Variants in SORCS1 observed in about 807,000 individuals in gnomAD.
The protein encoded by SORCS1 is sortilin related VPS10 domain containing receptor 1, also known as VPS10 domain-containing receptor SorCS1.
A neutral mutation model predicts 146.1 loss-of-function variants in SORCS1; 60 were observed. The observed-to-expected ratio is 0.41, with a 90% CI of 0.33 to 0.51. SORCS1 has a LOEUF of 0.51. Ranked by LOEUF, SORCS1 falls within the 20% of genes least tolerant of loss-of-function variation. The probability of loss-of-function intolerance (pLI) is 0.21; values close to 1 mark genes in which losing one functional copy is unlikely to be tolerated. For missense variants in SORCS1, 1,352 were observed against 1,487.6 expected (o/e 0.91, Z 1.50); for synonymous variants, 637 against 584.0 (o/e 1.09, Z -1.31).
At chr10:107,087,300 AACATGGTATTGC>A (rs1963836356) in intron 1 of SORCS1, among the ~76,000 whole-genome samples, 1 of 152,100 alleles carries the variant, frequency 6.6e-6, no homozygotes, top group Non-Finnish European at 1.5e-5. Flanking sequence ...TTTCCTGGAA[AACATGGTATTGC>A]ACAGTGGCTC....
intron 7 of SORCS1, 132 bp downstream of exon 7, chr10:106,709,089 CCT>C (rs1387988509): frequency 6.3e-6 from 4 of 637,290 alleles, no homozygotes; most frequent in South Asian, 3.8e-5. Context: ...GTGATTTTCC[CCT>C]CTCTCCCTAC....
At chr10:106,745,290 T>C (rs1433530159) in intron 5 of SORCS1, among the ~76,000 whole-genome samples, 1 of 151,850 alleles carries the variant, frequency 6.6e-6, no homozygotes, top group Non-Finnish European at 1.5e-5. Flanking sequence ...CAGGTGCCTG[T>C]AGTCCCAGCT....
chr10:107,019,257 C>T (rs1368805922), intron 1 of SORCS1, among the ~76,000 whole-genome samples: 1 of 152,084 alleles, frequency 6.6e-6, no homozygotes, highest in Admixed American at 6.6e-5. Context: ...ATAAACATTG[C>T]TTTTCAAGTT....
At chr10:106,866,343 A>T (rs1307980053) in intron 2 of SORCS1, among the ~76,000 whole-genome samples, 1 of 152,094 alleles carries the variant, frequency 6.6e-6, no homozygotes, top group Non-Finnish European at 1.5e-5. Context: ...CAGACAGGGA[A>T]CCTGCAGGTT....
chr10:107,039,791 G>T (rs1179628975), intron 1 of SORCS1, among the ~76,000 whole-genome samples: 3 of 152,188 alleles, frequency 2.0e-5, no homozygotes, highest in African/African-American at 7.2e-5. Context: ...TTTCTTCACA[G>T]AATATAGTAA....
chr10:107,141,670 C>T (rs7916651), intron 1 of SORCS1, among the ~76,000 whole-genome samples: 9,956 of 152,122 alleles, frequency 0.065, 351 homozygotes, highest in Non-Finnish European at 0.078. Context: ...CCAGTTAAGG[C>T]CCTAATTGGG....
upstream of SORCS1, among the ~76,000 whole-genome samples, chr10:107,169,064 C>T (rs1211816125): frequency 2.0e-5 from 3 of 152,156 alleles, no homozygotes; most frequent in Non-Finnish European, 2.9e-5. Flanking sequence ...CCACTCCCCA[C>T]ATAATCTTAC....
chr10:106,877,076 TTA>T (rs1950613527), intron 2 of SORCS1, among the ~76,000 whole-genome samples: 1 of 152,362 alleles, frequency 6.6e-6, no homozygotes, highest in East Asian at 1.9e-4. Context: ...CTGGTTATTT[TTA>T]TACCTCTGAA....
At chr10:106,801,780 T>C (rs779281804) in intron 3 of SORCS1, among the ~76,000 whole-genome samples, 1 of 152,170 alleles carries the variant, frequency 6.6e-6, no homozygotes, top group Non-Finnish European at 1.5e-5. Context: ...TCTGCCCTCC[T>C]TGGCCTCCCA....
At chr10:106,668,801 C>T in intron 16 of SORCS1, among the ~76,000 whole-genome samples, 1 of 152,142 alleles carries the variant, frequency 6.6e-6, no homozygotes, top group Admixed American at 6.5e-5. Context: ...CCAGTGTTTG[C>T]TTCAGGAAGT....
At chr10:106,965,542 A>G (rs537510424) in intron 1 of SORCS1, among the ~76,000 whole-genome samples, 3 of 152,308 alleles carry the variant, frequency 2.0e-5, no homozygotes, top group African/African-American at 7.2e-5. Context: ...CGTCTATTTG[A>G]TGTCTACTCT....
intron 6 of SORCS1, among the ~76,000 whole-genome samples, chr10:106,724,628 A>G (rs969054167): frequency 3.3e-5 from 5 of 152,230 alleles, no homozygotes; most frequent in African/African-American, 9.6e-5. Flanking sequence ...GGGAACTTCA[A>G]TGGAAACAGA....
chr10:107,130,163 CA>C (rs1319582763), intron 1 of SORCS1, among the ~76,000 whole-genome samples: 10 of 152,168 alleles, frequency 6.6e-5, no homozygotes, highest in Non-Finnish European at 1.3e-4. Context: ...TAAGAGAACC[CA>C]AACTTTCTCA....
At chr10:107,038,028 T>A (rs1429303181) in intron 1 of SORCS1, among the ~76,000 whole-genome samples, 1 of 152,058 alleles carries the variant, frequency 6.6e-6, no homozygotes, top group Non-Finnish European at 1.5e-5. Flanking sequence ...GGTTTCACCA[T>A]GTTAGGCTGG....
intron 2 of SORCS1, among the ~76,000 whole-genome samples, chr10:106,899,946 G>A (rs9664149): frequency 0.077 from 11,707 of 151,630 alleles, 1,006 homozygotes; most frequent in African/African-American, 0.2. Context: ...GTATATGTAT[G>A]TGTGTATGTA....
At chr10:106,794,286 C>T (rs1006386361) in intron 3 of SORCS1, among the ~76,000 whole-genome samples, 3 of 152,204 alleles carry the variant, frequency 2.0e-5, no homozygotes, top group Admixed American at 6.5e-5. Context: ...CTTTTGTTAT[C>T]TTGTTAAAAC....
At chr10:106,855,719 C>G (rs1215641720) in intron 2 of SORCS1, among the ~76,000 whole-genome samples, 4 of 152,202 alleles carry the variant, frequency 2.6e-5, no homozygotes, top group Non-Finnish European at 4.4e-5. Flanking sequence ...AGCATTTCTT[C>G]TTGATCTTTT....
chr10:107,014,303 A>G (rs1036774088), intron 1 of SORCS1, among the ~76,000 whole-genome samples: 2 of 151,198 alleles, frequency 1.3e-5, no homozygotes, highest in Admixed American at 6.6e-5. Context: ...AGAGAGAGAG[A>G]GAAAGAAACA....
At chr10:106,873,153 AAC>A (rs1950475238) in intron 2 of SORCS1, among the ~76,000 whole-genome samples, 1 of 152,078 alleles carries the variant, frequency 6.6e-6, no homozygotes, top group East Asian at 1.9e-4. Context: ...CAGCCTGGGC[AAC>A]AGAGTGAGAA....
Sources: gnomAD v4.1 joint callset for allele counts (sites outside exome capture counted in the v4.1 genomes callset) on GRCh38, gnomAD v4.1.1 for gene constraint, MANE v1.5 for transcripts, NCBI Gene and HGNC (gene_info 2026-07-23, HGNC 2026-07-21) for gene names.